The following RASAL1 variants were observed in gnomAD, a reference collection of about 807,000 sequenced individuals.
RASAL1 encodes RAS protein activator like 1, also known as rasGAP-activating-like protein 1.
Under a neutral mutation model 96.6 loss-of-function variants are expected in RASAL1, and 72 were observed. The ratio of observed to expected loss-of-function variants is 0.75; its 90% CI spans 0.62 to 0.91. The LOEUF (loss-of-function observed/expected upper bound fraction) is 0.91, where lower values mean the gene tolerates loss of function less well. Among genes scored for constraint, RASAL1 ranks in the 40% least tolerant of loss-of-function variants. RASAL1 has a pLI of 0.00. For synonymous variants in RASAL1, 405 were observed against 430.4 expected, an observed-to-expected ratio of 0.94 and a Z score of 0.73; for missense variants, 1,016 against 1,072.5, an observed-to-expected ratio of 0.95 and a Z score of 0.74.
intron 13 of RASAL1, among the ~76,000 whole-genome samples, chr12:113,110,645 C>T (rs542563201): frequency 1.4e-4 from 21 of 152,160 alleles, no homozygotes; most frequent in Non-Finnish European, 2.2e-4. Context: ...TCAGGCCGGG[C>T]GCGGTGGTTC....
chr12:113,113,530 T>A (rs556792184), intron 12 of RASAL1, among the ~76,000 whole-genome samples: 34 of 152,184 alleles, frequency 2.2e-4, no homozygotes, highest in Non-Finnish European at 3.2e-4. Flanking sequence ...ACAGATGGAC[T>A]GTGTCCTTCT....
chr12:113,100,793 C>CCAT lies in RASAL1; in HGVS notation c.2226-116_2226-114dup, dbSNP rs555389761. 5.8e-4 allele frequency: 461 copies of CCAT among 791,160 alleles called. 6 individuals carry two copies. The East Asian group carries it at 0.012, about 20-fold the overall frequency. The allele number at this position is 791,160 out of a possible 1,614,324, so 49.0% of individuals were successfully genotyped here. A position where few individuals can be genotyped will look rare whatever the true frequency, so the allele number is the denominator to read the frequency against. On this transcript the variant is annotated intron_variant, in intron 19 of 20. Coordinates refer to ENST00000548055, the MANE Select transcript of RASAL1 (RefSeq NM_001301202.2). Reference sequence around the variant, plus strand: ...CCTGAACCATCACCATCACCATCTACCATCATCATCATCATCATCTACACA... The same window carrying CCAT: ...CCTGAACCATCACCATCACCATCTACCATCATCATCATCATCATCATCTACACA...
chr12:113,103,174 T>C (rs1950510712), intron 18 of RASAL1: 1 of 153,800 alleles, frequency 6.5e-6, no homozygotes, highest in East Asian at 1.9e-4. Context: ...ATGTCATTAT[T>C]TTATATATTA....
At chr12:113,100,530 C>G in intron 20 of RASAL1, 98 bp downstream of exon 20, 1 of 1,054,772 alleles carries the variant, frequency 9.5e-7, no homozygotes, top group Non-Finnish European at 1.4e-6. Context: ...AACTCCTGAC[C>G]TCAAGTGATC....
chr12:113,113,472 C>T (rs1270368549), intron 12 of RASAL1, among the ~76,000 whole-genome samples: 1 of 152,160 alleles, frequency 6.6e-6, no homozygotes, highest in Non-Finnish European at 1.5e-5. Context: ...ACTGAGTTTC[C>T]TCCATCGTTA....
chr12:113,120,354 C>T (rs530511136), intron 5 of RASAL1, among the ~76,000 whole-genome samples: 1 of 152,298 alleles, frequency 6.6e-6, no homozygotes, highest in Non-Finnish European at 1.5e-5. Context: ...GGAGCCTCTG[C>T]CCCCTGCTGA....
intron 4 of RASAL1, among the ~76,000 whole-genome samples, chr12:113,122,503 T>C (rs1951335423): frequency 6.6e-6 from 1 of 152,168 alleles, no homozygotes; most frequent in Non-Finnish European, 1.5e-5. Context: ...TTTTGTGTTT[T>C]TTGTAGAGAC....
intron 16 of RASAL1, among the ~76,000 whole-genome samples, chr12:113,105,154 C>G (rs755422953): frequency 2.0e-5 from 3 of 152,210 alleles, no homozygotes; most frequent in African/African-American, 4.8e-5. Flanking sequence ...GCTCCCCATT[C>G]GGGAGATTCC....
At position 113,115,498 on chromosome 12, in the gene RASAL1, G is replaced by T; in HGVS notation, c.1003+137C>A. 1 of 1,245,962 alleles carries T rather than the reference G, an allele frequency of 8.0e-7. No individual in the cohort carries two copies. Among genetic ancestry groups the T allele is most frequent in the Non-Finnish European group, 1.1e-6 (1 of 906,230 alleles). The allele number at this position is 1,245,962 out of a possible 1,614,324, so 77.2% of individuals were successfully genotyped here. ...CTGCAATTGGGCTCCCAACTGTCTG[G>T]AGGTGCACAGCACAGGGACCCACAG... On this transcript the variant is annotated intron_variant, in intron 10 of 20. Transcript: ENST00000548055. This position sits in a 1 kb window ranked among gnomAD's most constrained non-coding sequence, Gnocchi z 4.1.
Position 113,135,494 on chromosome 12 carries a change from G to A in RASAL1, c.-32C>T, listed in dbSNP as rs1291870509. On this transcript the variant is annotated 5_prime_UTR_variant, in exon 1 of 21. Transcript: ENST00000548055. The surrounding 1 kb of genome is among the most constrained non-coding windows in gnomAD (Gnocchi z 5.7). ...TAGCCACAAACTTTCCAGGCAGAAG[G>A]GCGCTCAGGTTCCGAGGCTGGACCA... 3 of 1,576,576 alleles carry A rather than the reference G, an allele frequency of 1.9e-6. No homozygotes were observed. The South Asian group carries it at 3.5e-5, about 18-fold the overall frequency.
Position 113,115,621 on chromosome 12 carries a change from T to G in RASAL1, c.1003+14A>C. On this transcript the variant is annotated intron_variant, in intron 10 of 20. Coordinates refer to ENST00000548055, the MANE Select transcript of RASAL1 (RefSeq NM_001301202.2). The surrounding 1 kb of genome is among the most constrained non-coding windows in gnomAD (Gnocchi z 4.1). ...TTGAGGGCGGTGATGTCGGGGGTTGTGCGGGCAACTCACTGGTCCGAGCCA... is the reference window on the plus strand; with the variant it reads ...TTGAGGGCGGTGATGTCGGGGGTTGGGCGGGCAACTCACTGGTCCGAGCCA... 1 of 1,611,422 alleles carries G rather than the reference T, an allele frequency of 6.2e-7. No individual in the cohort carries two copies. Among genetic ancestry groups the G allele is most frequent in the Non-Finnish European group, 8.5e-7 (1 of 1,179,268 alleles).
At chr12:113,101,785 C>G in intron 19 of RASAL1, 104 bp downstream of exon 19, 1 of 1,426,514 alleles carries the variant, frequency 7.0e-7, no homozygotes, top group Non-Finnish European at 9.3e-7. Flanking sequence ...GGAATATCCA[C>G]CAACACACAT....
At position 113,103,957 on chromosome 12, in the gene RASAL1, G is replaced by A; in HGVS notation, c.2093C>T (p.Ala698Val). ...RSARWTCCLQ[A>V]ERSAAGCSRT... is the part of the protein sequence containing the mutation. ...CCCTGCCCCCTCACCTGAGCGCTCA[G>A]CCTGGAGGCAGCAGGTCCAGCGCGC... The change falls in exon 18 of 21, where the codon GCT becomes GTT. Residue 698 changes from alanine to valine, a missense_variant. Coordinates refer to ENST00000548055, the MANE Select transcript of RASAL1 (RefSeq NM_001301202.2). The A allele has an allele frequency of 1.9e-6, 3 of 1,558,002 alleles. No individual in the cohort carries two copies. The highest frequency in any genetic ancestry group is 2.6e-6 in the Non-Finnish European group (3 of 1,152,866).
At chr12:113,127,772 G>A (rs779799787) in intron 4 of RASAL1, 40 bp downstream of exon 4, 22 of 1,577,212 alleles carry the variant, frequency 1.4e-5, no homozygotes, top group East Asian at 2.3e-5. Flanking sequence ...CCCACCCTGG[G>A]CATGGCCCCC....
At position 113,119,184 on chromosome 12, in the gene RASAL1, G is replaced by C. The variant is rs571586597; in HGVS notation, c.586C>G (p.Leu196Val). 6.2e-7 allele frequency: 1 copy of C among 1,614,028 alleles called. No individual in the cohort carries two copies. Among genetic ancestry groups the C allele is most frequent in the East Asian group, 2.2e-5 (1 of 44,878 alleles). Residue 196 changes from leucine to valine, a missense_variant, in exon 7 of 21, where the codon CTG becomes GTG. By Grantham distance (32) the Leu-to-Val change is conservative (BLOSUM62 1). Coordinates refer to ENST00000548055, the MANE Select transcript of RASAL1 (RefSeq NM_001301202.2). ...LREMPGAPSP[L>V]RVELWDWDMV... ...TCCCAGTCCCAGAGCTCCACCCGCAGTGGGGACGGGGCACCTGGCATCTCC... is the reference window on the plus strand; with the variant it reads ...TCCCAGTCCCAGAGCTCCACCCGCACTGGGGACGGGGCACCTGGCATCTCC...
At position 113,099,897 on chromosome 12, in the gene RASAL1, G is replaced by A; in HGVS notation, c.*32C>T. Reference sequence around the variant, plus strand: ...CGCTGAAGAGGGCCCCCTGGCTCTTGCTCCTCCTTCCGGGCTAGCTCTGGC... The same window carrying A: ...CGCTGAAGAGGGCCCCCTGGCTCTTACTCCTCCTTCCGGGCTAGCTCTGGC... On this transcript the variant is annotated 3_prime_UTR_variant, in exon 21 of 21. Coordinates refer to ENST00000548055, the MANE Select transcript of RASAL1 (RefSeq NM_001301202.2). The A allele has an allele frequency of 6.3e-7, 1 of 1,589,468 alleles. No individual in the cohort carries two copies.
At position 113,105,741 on chromosome 12, in the gene RASAL1, G is replaced by C. The variant is rs1333426476; in HGVS notation, c.1803C>G (p.Leu601=). 1.2e-6 allele frequency: 2 copies of C among 1,612,322 alleles called. No individual in the cohort carries two copies. The highest frequency in any genetic ancestry group is 1.3e-5 in the African/African-American group (1 of 74,906). The change falls in exon 16 of 21, where the codon CTC becomes CTG. Residue 601 remains leucine (L), a synonymous_variant. Coordinates refer to ENST00000548055, the MANE Select transcript of RASAL1 (RefSeq NM_001301202.2). ...GCCACTCAGGACTCTTGGAGAAGGA[G>C]AGGGTCTCCCCGCTGAGCCAGACGT... The part of the protein sequence containing the change: ...KRYVWLSGET[L]SFSKSPEWQM...
intron 3 of RASAL1, 56 bp from the exon 4 acceptor site, chr12:113,127,929 A>T: frequency 1.3e-6 from 2 of 1,588,446 alleles, no homozygotes; most frequent in Non-Finnish European, 1.7e-6. Context: ...GCCCCGCCCC[A>T]AGAGAAGTGG....
chr12:113,123,435 A>C (rs1048987975), intron 4 of RASAL1, among the ~76,000 whole-genome samples: 1 of 152,204 alleles, frequency 6.6e-6, no homozygotes, highest in Non-Finnish European at 1.5e-5. Flanking sequence ...CTAATGGAGA[A>C]TTCTCATGTT....
Sources: gnomAD v4.1 joint callset for allele counts (sites outside exome capture counted in the v4.1 genomes callset) on GRCh38, gnomAD v4.1.1 for gene constraint, Gnocchi (gnomAD v3.1) non-coding constraint, MANE v1.5 for transcripts, NCBI Gene and HGNC (gene_info 2026-07-23, HGNC 2026-07-21) for gene names.